The following ADCY3 variants were observed in gnomAD, a reference collection of about 807,000 sequenced individuals.
ADCY3 encodes adenylate cyclase 3.
In ADCY3, 70 loss-of-function variants were observed where a neutral mutation model predicts 119.4. That is an observed-to-expected ratio of 0.59 (90% CI 0.48 to 0.72). The LOEUF (loss-of-function observed/expected upper bound fraction) is 0.72. ADCY3 is among the 30% of genes least tolerant of loss of function. The pLI is 0.00. For synonymous variants in ADCY3, 672 were observed against 621.4 expected (o/e 1.08, Z -1.21); for missense variants, 1,238 against 1,541.6 (o/e 0.80, Z 3.30).
chr2:24,839,786 G>A (rs1670780038), intron 7 of ADCY3, 87 bp downstream of exon 7: 4 of 1,580,954 alleles, frequency 2.5e-6, no homozygotes, highest in Middle Eastern at 1.8e-4. Flanking sequence ...GAGGCCCCCT[G>A]TCCCTCATCA....
chr2:24,826,637 T>TA (rs1402955617), intron 15 of ADCY3: 1 of 154,720 alleles, frequency 6.5e-6, no homozygotes, highest in Non-Finnish European at 1.4e-5. Context: ...TGGGTTGTTT[T>TA]CATTTGTTTT....
At chr2:24,831,935 CCAGGGGACAGCAGACAGGGG>C (rs1218518526) in intron 11 of ADCY3, among the ~76,000 whole-genome samples, 186 bp from the exon 12 acceptor site, 13 of 112,338 alleles carry the variant, frequency 1.2e-4, no homozygotes, top group Non-Finnish European at 7.3e-5. Context: ...CGGACAGTGG[CCAGGGGACAGCAGACAGGGG>C]CAGGGGCCAG....
In ADCY3 at chr2:24,912,569, A is replaced by ATGTGTGTG. The variant is rs1436630372; in HGVS notation, c.675+5736_675+5743dup. On this transcript the variant is annotated intron_variant, in intron 2 of 21. Transcript: ENST00000679454. ...AGCACGCATGTGTGTGTGTGTGTGC[A>ATGTGTGTG]TGTGTGTGTGTGTGTGCATGTGTGT... Among the ~76,000 whole-genome samples, 282 of 39,690 alleles carry ATGTGTGTG rather than the reference A, an allele frequency of 7.1e-3. 3 individuals are homozygous for ATGTGTGTG. In the African/African-American group the frequency reaches 0.083, roughly 12 times the overall value. 26.0% of individuals were successfully genotyped at this position (39,690 alleles called of 152,430 possible).
intron 13 of ADCY3, among the ~76,000 whole-genome samples, chr2:24,829,328 T>C (rs1276706269): frequency 6.8e-6 from 1 of 148,118 alleles, no homozygotes; most frequent in East Asian, 2.1e-4. Flanking sequence ...CCCACTGGAC[T>C]TCTGATTAGC....
At chr2:24,869,338 G>A (rs1003343815) in intron 3 of ADCY3, among the ~76,000 whole-genome samples, 7 of 152,040 alleles carry the variant, frequency 4.6e-5, no homozygotes, top group Admixed American at 1.3e-4. Context: ...TATCTATGAC[G>A]GAAACAGAAT....
intron 2 of ADCY3, among the ~76,000 whole-genome samples, chr2:24,896,545 G>A (rs934085123): frequency 2.6e-5 from 4 of 151,626 alleles, no homozygotes; most frequent in Non-Finnish European, 5.9e-5. Context: ...CACTGCAAAC[G>A]TTACCATTTT....
intron 3 of ADCY3, among the ~76,000 whole-genome samples, chr2:24,848,347 G>A (rs191516147): frequency 3.3e-5 from 5 of 152,264 alleles, no homozygotes; most frequent in African/African-American, 4.8e-5. Context: ...CCATCCCTTC[G>A]TTTCCCATAA....
chr2:24,831,974 G>A (rs1375235266), intron 11 of ADCY3, among the ~76,000 whole-genome samples: 4 of 130,402 alleles, frequency 3.1e-5, no homozygotes, highest in Non-Finnish European at 5.0e-5. Context: ...AGGGGGCAGC[G>A]GACAGGGACT....
intron 21 of ADCY3, chr2:24,820,511 G>A: frequency 7.1e-7 from 1 of 1,409,784 alleles, no homozygotes; most frequent in Non-Finnish European, 9.2e-7. Flanking sequence ...TATGCATCTA[G>A]AACTTCAGCC....
intron 12 of ADCY3, 74 bp from the exon 13 acceptor site, chr2:24,830,899 C>T: frequency 8.4e-7 from 1 of 1,193,470 alleles, no homozygotes; most frequent in Non-Finnish European, 1.2e-6. Flanking sequence ...GACAGCAACT[C>T]AGGCTGGTCC....
Position 24,918,002 on chromosome 2 carries a change from G to A in ADCY3, c.675+311C>T, listed in dbSNP as rs1312925470. 6.6e-6 allele frequency among the ~76,000 whole-genome samples: 1 copy of A among 152,172 alleles called. No homozygotes were observed. The highest frequency in any genetic ancestry group is 1.5e-5 in the Non-Finnish European group (1 of 68,034). On this transcript the variant is annotated intron_variant, in intron 2 of 21. Coordinates refer to ENST00000679454, the MANE Select transcript of ADCY3 (RefSeq NM_004036.5). The surrounding 1 kb of genome is among the most constrained non-coding windows in gnomAD (Gnocchi z 5.4). Reference sequence around the variant, plus strand: ...CTTGCCAGGGTCACTGACAGGGAATGGCCAGGACAATGCTGCCTCAAGACC... The same window carrying A: ...CTTGCCAGGGTCACTGACAGGGAATAGCCAGGACAATGCTGCCTCAAGACC...
chr2:24,884,814 T>G (rs1053545554), intron 2 of ADCY3, among the ~76,000 whole-genome samples: 3 of 145,774 alleles, frequency 2.1e-5, no homozygotes, highest in Non-Finnish European at 4.5e-5. Context: ...TGGTTCACCC[T>G]CACCCTGAGT....
chr2:24,910,462 A>G (rs1479842350), intron 2 of ADCY3, among the ~76,000 whole-genome samples: 1 of 152,186 alleles, frequency 6.6e-6, no homozygotes, highest in Non-Finnish European at 1.5e-5. Context: ...GTTACACAGC[A>G]GTGGATAACT....
chr2:24,834,441 C>T lies in ADCY3; in HGVS notation c.1967+44G>A. The T allele has an allele frequency of 1.4e-6, 2 of 1,457,360 alleles. No individual in the cohort carries two copies. Among genetic ancestry groups the T allele is most frequent in the Non-Finnish European group, 1.9e-6 (2 of 1,076,306 alleles). 90.3% of individuals were successfully genotyped at this position (1,457,360 alleles called of 1,614,324 possible). On this transcript the variant is annotated intron_variant, in intron 11 of 21. Transcript: ENST00000679454. This position sits in a 1 kb window ranked among gnomAD's most constrained non-coding sequence, Gnocchi z 4.2. The stretch of plus-strand genomic sequence containing the variant: ...TGCCCCCGCCCCCCGCCCGGCACCA[C>T]CGCAGCCGAGGAAACTCGTGGCCCT...
At position 24,898,057 on chromosome 2, in the gene ADCY3, T is replaced by C. The variant is rs1678486131; in HGVS notation, c.675+20256A>G. On this transcript the variant is annotated intron_variant, in intron 2 of 21. Transcript: ENST00000679454. The surrounding 1 kb of genome is among the most constrained non-coding windows in gnomAD (Gnocchi z 4.3). ...TCCCCATTTCAGATCCCAAATAACCTTCCAGGCTTCTTTGTTACTACTGCA... is the reference window on the plus strand; with the variant it reads ...TCCCCATTTCAGATCCCAAATAACCCTCCAGGCTTCTTTGTTACTACTGCA... Among the ~76,000 whole-genome samples, 1 of 152,048 alleles carries C rather than the reference T, an allele frequency of 6.6e-6. No individual in the cohort carries two copies. The highest frequency in any genetic ancestry group is 1.5e-5 in the Non-Finnish European group (1 of 67,994).
intron 2 of ADCY3, among the ~76,000 whole-genome samples, chr2:24,912,243 G>A (rs917525400): frequency 2.6e-5 from 4 of 151,110 alleles, no homozygotes; most frequent in African/African-American, 4.9e-5. Flanking sequence ...TGGGTGAACC[G>A]CCTGAGCTCA....
rs1678641621 is a variant in ADCY3 at position 24,899,287 on chromosome 2, C to A, written c.675+19026G>T. On this transcript the variant is annotated intron_variant, in intron 2 of 21. Transcript: ENST00000679454. The surrounding 1 kb of genome is among the most constrained non-coding windows in gnomAD (Gnocchi z 4.5). ...CCTTCTCCCCAAACCACCATCCGCT[C>A]TTCTGCCCTGTGAGGTGATGACTGT... 6.6e-6 allele frequency among the ~76,000 whole-genome samples: 1 copy of A among 152,248 alleles called. No individual in the cohort carries two copies. Among genetic ancestry groups the A allele is most frequent in the Non-Finnish European group, 1.5e-5 (1 of 68,044 alleles).
At chr2:24,906,747 C>T (rs947952252) in intron 2 of ADCY3, among the ~76,000 whole-genome samples, 14 of 152,252 alleles carry the variant, frequency 9.2e-5, no homozygotes, top group African/African-American at 3.4e-4. Flanking sequence ...CCACCCCCTG[C>T]TCCCACCCCG....
intron 2 of ADCY3, among the ~76,000 whole-genome samples, chr2:24,879,867 G>A (rs938917844): frequency 3.9e-5 from 6 of 152,172 alleles, no homozygotes; most frequent in African/African-American, 1.4e-4. Flanking sequence ...CAAGAGCTAA[G>A]GATCCAGTTA....
Sources: gnomAD v4.1 joint callset for allele counts (sites outside exome capture counted in the v4.1 genomes callset) on GRCh38, gnomAD v4.1.1 for gene constraint, Gnocchi (gnomAD v3.1) non-coding constraint, MANE v1.5 for transcripts, NCBI Gene and HGNC (gene_info 2026-07-23, HGNC 2026-07-21) for gene names.